CDH12: variants seen among roughly 807,000 people sequenced by gnomAD.
CDH12 encodes cadherin-12.
Under a neutral mutation model 74.1 loss-of-function variants are expected in CDH12, and 41 were observed. The observed-to-expected ratio is 0.55, with a 90% CI of 0.43 to 0.72. The LOEUF (loss-of-function observed/expected upper bound fraction) is 0.72, where lower values mean the gene tolerates loss of function less well. Ranked by LOEUF, CDH12 falls within the 30% of genes least tolerant of loss-of-function variation. CDH12 has a pLI of 0.00. For synonymous variants in CDH12, 399 were observed against 355.0 expected (o/e 1.12, Z -1.39); for missense variants, 945 against 977.2 (o/e 0.97, Z 0.44).
intron 1 of CDH12, among the ~76,000 whole-genome samples, chr5:22,588,771 C>T (rs1222225200): frequency 6.6e-6 from 1 of 152,172 alleles, no homozygotes; most frequent in Non-Finnish European, 1.5e-5. Flanking sequence ...TCTCCTGTCA[C>T]AGTGTGTTAA....
At chr5:21,842,474 C>T (rs987397703) in intron 7 of CDH12, 146 bp from the exon 8 acceptor site, 10 of 571,380 alleles carry the variant, frequency 1.8e-5, no homozygotes, top group Admixed American at 3.7e-5. Flanking sequence ...AAAAGTGAGA[C>T]ATTCAAAATG....
At chr5:22,525,349 C>G (rs1446846742) in intron 1 of CDH12, among the ~76,000 whole-genome samples, 1 of 152,110 alleles carries the variant, frequency 6.6e-6, no homozygotes, top group Non-Finnish European at 1.5e-5. Context: ...CCAAGTTACA[C>G]TCAGTAGAAT....
chr5:22,230,132 G>C (rs1056320267), intron 3 of CDH12, among the ~76,000 whole-genome samples: 1 of 152,034 alleles, frequency 6.6e-6, no homozygotes, highest in Non-Finnish European at 1.5e-5. Context: ...AGCTCAATTT[G>C]TTAGTAAGTG....
chr5:21,759,238 A>T, intron 13 of CDH12, among the ~76,000 whole-genome samples: 1 of 151,742 alleles, frequency 6.6e-6, no homozygotes, highest in Non-Finnish European at 1.5e-5. Context: ...AGAATTTTTT[A>T]TCTGTAATTG....
chr5:21,953,809 TC>T (rs1755974879), intron 6 of CDH12, among the ~76,000 whole-genome samples: 1 of 152,114 alleles, frequency 6.6e-6, no homozygotes, highest in Non-Finnish European at 1.5e-5. Context: ...TTGTTTGGAA[TC>T]CATGAAGTTG....
chr5:22,852,600 G>A (rs2126544912), intron 1 of CDH12, among the ~76,000 whole-genome samples: 1 of 152,298 alleles, frequency 6.6e-6, no homozygotes, highest in Admixed American at 6.5e-5. Context: ...AATGAAGAAT[G>A]AAGTTCATAA....
chr5:22,376,393 T>C (rs1741526102), intron 3 of CDH12, among the ~76,000 whole-genome samples: 1 of 151,840 alleles, frequency 6.6e-6, no homozygotes, highest in African/African-American at 2.4e-5. Context: ...CATAGCAGAG[T>C]AGAGTGACTG....
At chr5:22,697,612 T>C (rs568962379) in intron 1 of CDH12, among the ~76,000 whole-genome samples, 40 of 151,858 alleles carry the variant, frequency 2.6e-4, no homozygotes, top group African/African-American at 9.2e-4. Flanking sequence ...ATGTATATTC[T>C]GAAGAGCACA....
At chr5:21,780,232 G>A (rs1033918729) in intron 11 of CDH12, among the ~76,000 whole-genome samples, 3 of 152,090 alleles carry the variant, frequency 2.0e-5, no homozygotes, top group Admixed American at 6.6e-5. Flanking sequence ...GACAGAGCCC[G>A]CATATGCACC....
chr5:22,019,214 G>C (rs918500527), intron 5 of CDH12, among the ~76,000 whole-genome samples: 1 of 152,098 alleles, frequency 6.6e-6, no homozygotes, highest in African/African-American at 2.4e-5. Context: ...TGGAGAAAAA[G>C]CTGCAACTAA....
At chr5:22,660,132 T>C (rs1406492480) in intron 1 of CDH12, among the ~76,000 whole-genome samples, 1 of 152,178 alleles carries the variant, frequency 6.6e-6, no homozygotes, top group Non-Finnish European at 1.5e-5. Flanking sequence ...AGCATGGAGA[T>C]ATTTGGAGTT....
chr5:21,803,366 T>C (rs1747246341), intron 9 of CDH12, among the ~76,000 whole-genome samples: 1 of 152,126 alleles, frequency 6.6e-6, no homozygotes, highest in Non-Finnish European at 1.5e-5. Flanking sequence ...GAACTGTATA[T>C]ATAAATTATG....
chr5:21,790,551 C>T (rs1307889946), intron 10 of CDH12, among the ~76,000 whole-genome samples: 3 of 151,932 alleles, frequency 2.0e-5, no homozygotes, highest in Admixed American at 1.3e-4. Context: ...TTACCTTGTG[C>T]AATTAGTTTA....
intron 1 of CDH12, among the ~76,000 whole-genome samples, chr5:22,532,442 T>A (rs1224404349): frequency 2.8e-5 from 4 of 143,598 alleles, no homozygotes; most frequent in Non-Finnish European, 6.1e-5. Context: ...AATTCGGCAA[T>A]ATTTGAAAAA....
At chr5:22,216,290 T>C (rs543326860) in intron 3 of CDH12, among the ~76,000 whole-genome samples, 5 of 152,154 alleles carry the variant, frequency 3.3e-5, no homozygotes, top group African/African-American at 1.2e-4. Context: ...GTGATTTATG[T>C]ATACTGGAAT....
intron 5 of CDH12, among the ~76,000 whole-genome samples, chr5:22,018,736 TG>T (rs1737770441): frequency 6.6e-6 from 1 of 152,226 alleles, no homozygotes; most frequent in South Asian, 2.1e-4. Context: ...CAAAATGTGA[TG>T]TACTAATGAC....
chr5:22,718,844 C>T (rs931190137), intron 1 of CDH12, among the ~76,000 whole-genome samples: 2 of 152,192 alleles, frequency 1.3e-5, no homozygotes, highest in African/African-American at 4.8e-5. Context: ...CCAAAAGATG[C>T]TAAACCCATC....
intron 6 of CDH12, among the ~76,000 whole-genome samples, chr5:21,870,504 G>A (rs1305524699): frequency 6.6e-6 from 1 of 152,146 alleles, no homozygotes; most frequent in Non-Finnish European, 1.5e-5. Context: ...TCCAGATGTA[G>A]CCATTCAATC....
At chr5:22,293,574 C>A (rs966902745) in intron 3 of CDH12, among the ~76,000 whole-genome samples, 5 of 151,936 alleles carry the variant, frequency 3.3e-5, no homozygotes, top group African/African-American at 1.2e-4. Flanking sequence ...ATCTAAGTGT[C>A]CATCAATGGA....
Sources: allele counts gnomAD v4.1 joint callset (sites outside exome capture counted in the v4.1 genomes callset), GRCh38; gene constraint gnomAD v4.1.1; transcripts MANE v1.5; gene names NCBI Gene and HGNC (gene_info 2026-07-23, HGNC 2026-07-21).